STAT4: variants seen among roughly 807,000 people sequenced by gnomAD.
The protein encoded by STAT4 is signal transducer and activator of transcription 4.
STAT4 carries 42 observed loss-of-function variants against 110.5 expected under a neutral mutation model. The ratio of observed to expected loss-of-function variants is 0.38; its 90% confidence interval spans 0.30 to 0.49. The LOEUF (loss-of-function observed/expected upper bound fraction) is 0.49, where lower values mean the gene tolerates loss of function less well. Among genes scored for constraint, STAT4 ranks in the 20% least tolerant of loss-of-function variants. The pLI is 0.95. For missense variants in STAT4, 632 were observed against 887.9 expected (o/e 0.71, Z 3.66); for synonymous variants, 284 against 302.2 (o/e 0.94, Z 0.63).
At chr2:191,108,308 G>A (rs10174238) in intron 3 of STAT4, among the ~76,000 whole-genome samples, 106,442 of 151,128 alleles carry the variant, frequency 0.7, 37,971 homozygotes, top group Non-Finnish European at 0.77. Context: ...AAAAAAAGAC[G>A]TTATCATTGT....
intron 3 of STAT4, among the ~76,000 whole-genome samples, chr2:191,108,213 C>A (rs926858060): frequency 6.6e-6 from 1 of 151,716 alleles, no homozygotes; most frequent in African/African-American, 2.4e-5. Flanking sequence ...ATCTGTTGAA[C>A]CCGGGAGGTA....
In STAT4 at chr2:191,053,550, T is replaced by G. The variant is rs1696591564; in HGVS notation, c.1251+940A>C. Among the ~76,000 whole-genome samples the G allele has an allele frequency of 6.6e-6, 1 of 152,232 alleles. No homozygotes were observed. Among genetic ancestry groups the G allele is most frequent in the African/African-American group, 2.4e-5 (1 of 41,454 alleles). On this transcript the variant is annotated intron_variant, in intron 14 of 23. Transcript: ENST00000392320. This position sits in a 1 kb window ranked among gnomAD's most constrained non-coding sequence, Gnocchi z 4.5. ...CTCTATCATCAACTCAACGGAGTAC[T>G]CAGACTGCATCAGTTTGTTCTTTCA...
chr2:191,111,508 A>T (rs184456024), intron 3 of STAT4, among the ~76,000 whole-genome samples: 1 of 152,306 alleles, frequency 6.6e-6, no homozygotes, highest in Non-Finnish European at 1.5e-5. Flanking sequence ...TCATGCAAAA[A>T]TGTGGATGAA....
chr2:191,108,608 G>T (rs2125355019), intron 3 of STAT4, among the ~76,000 whole-genome samples: 1 of 152,308 alleles, frequency 6.6e-6, no homozygotes, highest in African/African-American at 2.4e-5. Flanking sequence ...ATGCATGCAA[G>T]TTATACAGAG....
chr2:191,064,743 G>A, intron 8 of STAT4, 64 bp downstream of exon 8: 1 of 1,558,742 alleles, frequency 6.4e-7, no homozygotes, highest in Non-Finnish European at 8.7e-7. Context: ...TTCTCTGGCT[G>A]AGTGACACTG....
Position 191,037,439 on chromosome 2 carries a change from C to T in STAT4, c.1435-1140G>A, listed in dbSNP as rs1228385989. On this transcript the variant is annotated intron_variant, in intron 16 of 23. Coordinates refer to ENST00000392320, the MANE Select transcript of STAT4 (RefSeq NM_003151.4). The surrounding 1 kb of genome is among the most constrained non-coding windows in gnomAD (Gnocchi z 4.8). ...AAGTAGCTGAAACTACAGGTGTGTACCATTGTGCCCAGCTAAATAAGAGAA... is the reference window on the plus strand; with the variant it reads ...AAGTAGCTGAAACTACAGGTGTGTATCATTGTGCCCAGCTAAATAAGAGAA... 6.6e-6 allele frequency among the ~76,000 whole-genome samples: 1 copy of T among 152,148 alleles called. No homozygotes were observed. The highest frequency in any genetic ancestry group is 2.4e-5 in the African/African-American group (1 of 41,430).
rs1699302690 is a variant in STAT4 at position 191,140,875 on chromosome 2, G to T, written c.273+5738C>A. Among the ~76,000 whole-genome samples the T allele has an allele frequency of 6.6e-6, 1 of 151,956 alleles. No individual in the cohort carries two copies. On this transcript the variant is annotated intron_variant, in intron 3 of 23. Coordinates refer to ENST00000392320, the MANE Select transcript of STAT4 (RefSeq NM_003151.4). This position sits in a 1 kb window ranked among gnomAD's most constrained non-coding sequence, Gnocchi z 4.4. ...ACCAATGAGTAGATAAAGAAAATGT[G>T]GTATATATACACTATGGAATACTAC... is the stretch of plus-strand genomic sequence containing the variant.
chr2:191,113,285 G>T lies in STAT4; in HGVS notation c.273+33328C>A, dbSNP rs772916679. 6.6e-6 allele frequency among the ~76,000 whole-genome samples: 1 copy of T among 152,196 alleles called. No individual in the cohort carries two copies. The highest frequency in any genetic ancestry group is 1.5e-5 in the Non-Finnish European group (1 of 68,044). On this transcript the variant is annotated intron_variant, in intron 3 of 23. Transcript: ENST00000392320. The surrounding 1 kb of genome is among the most constrained non-coding windows in gnomAD (Gnocchi z 4.8). ...TCTCACTGCTGTGAGTAATCACACC[G>T]AACAAGCATTATCTCTCCTATTTTT...
At position 191,058,588 on chromosome 2, in the gene STAT4, T is replaced by C; in HGVS notation, c.1094+122A>G. 1.5e-6 allele frequency: 1 copy of C among 658,034 alleles called. No homozygotes were observed. Among genetic ancestry groups the C allele is most frequent in the East Asian group, 2.9e-5 (1 of 34,240 alleles). The allele number at this position is 658,034 out of a possible 1,614,324, so 40.8% of individuals were successfully genotyped here. A position where few individuals can be genotyped will look rare whatever the true frequency, so the allele number is the denominator to read the frequency against. ...TCAAAGTCAAATATTTGAAGTACATTCATTATATAATGTTAGATAAGTAAA... is the reference window on the plus strand; with the variant it reads ...TCAAAGTCAAATATTTGAAGTACATCCATTATATAATGTTAGATAAGTAAA... On this transcript the variant is annotated intron_variant, in intron 11 of 23. Transcript: ENST00000392320. This position sits in a 1 kb window ranked among gnomAD's most constrained non-coding sequence, Gnocchi z 4.3.
rs879816590 is a variant in STAT4 at position 191,150,972 on chromosome 2, A to C, written c.-27T>G. 8.1e-6 allele frequency: 8 copies of C among 985,674 alleles called. No homozygotes were observed. The Admixed American group carries it at 4.9e-4, about 61-fold the overall frequency. 61.1% of individuals were successfully genotyped at this position (985,674 alleles called of 1,614,324 possible). A position where few individuals can be genotyped will look rare whatever the true frequency, so the allele number is the denominator to read the frequency against. ...CTAGCGCTCTCTCAGCACAGGTCCC[A>C]GGCAGTGCTCAAGTCCAAAGTCAGA... On this transcript the variant is annotated 5_prime_UTR_variant, in exon 1 of 24. Transcript: ENST00000392320. This position sits in a 1 kb window ranked among gnomAD's most constrained non-coding sequence, Gnocchi z 6.4.
chr2:191,073,279 T>C, intron 4 of STAT4, 89 bp from the exon 5 acceptor site: 1 of 993,510 alleles, frequency 1.0e-6, no homozygotes, highest in Non-Finnish European at 1.6e-6. Flanking sequence ...ACCTGAGGTC[T>C]GGATCAATGT....
At position 191,031,569 on chromosome 2, in the gene STAT4, A is replaced by G; in HGVS notation, c.2045-53T>C. ...GGAAAAAAATGTCAATATTATCAAT[A>G]AAACTGGGGAAAAAAGAGTCTAGAA... is the stretch of plus-strand genomic sequence containing the variant. On this transcript the variant is annotated intron_variant, in intron 21 of 23. Coordinates refer to ENST00000392320, the MANE Select transcript of STAT4 (RefSeq NM_003151.4). The surrounding 1 kb of genome is among the most constrained non-coding windows in gnomAD (Gnocchi z 4.8). 6.9e-7 allele frequency: 1 copy of G among 1,453,162 alleles called. No homozygotes were observed. Among genetic ancestry groups the G allele is most frequent in the South Asian group, 1.2e-5 (1 of 84,072 alleles). 90.0% of individuals were successfully genotyped at this position (1,453,162 alleles called of 1,614,324 possible).
At chr2:191,079,971 A>G (rs987744615) in intron 3 of STAT4, among the ~76,000 whole-genome samples, 6 of 152,090 alleles carry the variant, frequency 3.9e-5, no homozygotes, top group African/African-American at 1.4e-4. Flanking sequence ...TTTTGTTCAA[A>G]TTTCTGCATC....
Position 191,031,422 on chromosome 2 carries a change from T to C in STAT4, c.2111+28A>G. On this transcript the variant is annotated intron_variant, in intron 22 of 23. Coordinates refer to ENST00000392320, the MANE Select transcript of STAT4 (RefSeq NM_003151.4). The surrounding 1 kb of genome is among the most constrained non-coding windows in gnomAD (Gnocchi z 4.8). ...CCTATAGGAAAGCTTTTTATAAAAATATTTCACATGTGACTAACATTACTC... is the reference window on the plus strand; with the variant it reads ...CCTATAGGAAAGCTTTTTATAAAAACATTTCACATGTGACTAACATTACTC... The C allele has an allele frequency of 1.9e-6, 3 of 1,601,138 alleles. No individual in the cohort carries two copies. In the South Asian group the frequency reaches 3.4e-5, roughly 18 times the overall value.
intron 3 of STAT4, chr2:191,121,817 T>C (rs1037361976): frequency 4.6e-5 from 7 of 150,846 alleles, no homozygotes; most frequent in Middle Eastern, 3.2e-3. Context: ...TTAGGAGATA[T>C]ACCTAATGTA....
intron 16 of STAT4, among the ~76,000 whole-genome samples, chr2:191,038,121 C>T (rs543582883): frequency 6.4e-4 from 98 of 152,342 alleles, no homozygotes; most frequent in Non-Finnish European, 1.2e-3. Context: ...CCCATCACTC[C>T]TTCTACTCCC....
rs1351116378 is a variant in STAT4, at chr2:191,054,126, CA to C, written c.1251+363del. On this transcript the variant is annotated intron_variant, in intron 14 of 23. Transcript: ENST00000392320. Reference sequence around the variant, plus strand: ...CTGGGCAACAGAGTGAGACCCTTCTCAAAAAAAAAAAAAAAAAGAAAGAAAA... The same window carrying C: ...CTGGGCAACAGAGTGAGACCCTTCTCAAAAAAAAAAAAAAAAGAAAGAAAA... Among the ~76,000 whole-genome samples the C allele has an allele frequency of 5.1e-3, 262 of 51,768 alleles. 1 individual carries two copies. The highest frequency in any genetic ancestry group is 0.02 in the Middle Eastern group (2 of 100). 34.0% of individuals were successfully genotyped at this position (51,768 alleles called of 152,430 possible). A position where few individuals can be genotyped will look rare whatever the true frequency, so the allele number is the denominator to read the frequency against.
Position 191,117,846 on chromosome 2 carries a change from AT to A in STAT4, c.273+28766del, listed in dbSNP as rs560369583. Among the ~76,000 whole-genome samples, 1,434 of 152,240 alleles carry A rather than the reference AT, an allele frequency of 9.4e-3. 14 individuals are homozygous for A. Among genetic ancestry groups the A allele is most frequent in the Non-Finnish European group, 0.015 (1,014 of 67,996 alleles). ...TCCACCTTTGACCTATTCAGTGAGA[AT>A]TGGAAATGGGGGCTGGAAATCTACA... On this transcript the variant is annotated intron_variant, in intron 3 of 23. Transcript: ENST00000392320. This position sits in a 1 kb window ranked among gnomAD's most constrained non-coding sequence, Gnocchi z 5.2.
rs1157428518 is a variant in STAT4, at chr2:191,077,568, G to A, written c.274-1243C>T. Among the ~76,000 whole-genome samples, 3 of 151,914 alleles carry A rather than the reference G, an allele frequency of 2.0e-5. No individual in the cohort carries two copies. The highest frequency in any genetic ancestry group is 6.6e-5 in the Admixed American group (1 of 15,248). The stretch of plus-strand genomic sequence containing the variant: ...AAAATAAAACAAAAATCCACAAAGT[G>A]GAAAATTAACAATAAAAAATAGACT... On this transcript the variant is annotated intron_variant, in intron 3 of 23. Coordinates refer to ENST00000392320, the MANE Select transcript of STAT4 (RefSeq NM_003151.4). The surrounding 1 kb of genome is among the most constrained non-coding windows in gnomAD (Gnocchi z 4.1).
Sources: allele counts gnomAD v4.1 joint callset (sites outside exome capture counted in the v4.1 genomes callset), GRCh38; gene constraint gnomAD v4.1.1; non-coding constraint Gnocchi (gnomAD v3.1); transcripts MANE v1.5; gene names NCBI Gene and HGNC (gene_info 2026-07-23, HGNC 2026-07-21).